Variants in GRM3 observed in about 807,000 individuals in gnomAD.
GRM3 encodes metabotropic glutamate receptor 3.
GRM3 carries 26 observed loss-of-function variants against 70.5 expected under a neutral mutation model. That is an observed-to-expected ratio of 0.37 (90% CI 0.27 to 0.51). The LOEUF (loss-of-function observed/expected upper bound fraction) is 0.51, where lower values mean the gene tolerates loss of function less well. GRM3 is among the 20% of genes least tolerant of loss of function. GRM3 has a pLI of 0.93. For missense variants in GRM3, 859 were observed against 1,123.8 expected (o/e 0.76, Z 3.37); for synonymous variants, 443 against 434.9 (o/e 1.02, Z -0.23).
At chr7:86,799,901 T>G (rs745787996) in intron 3 of GRM3, among the ~76,000 whole-genome samples, 8 of 152,188 alleles carry the variant, frequency 5.3e-5, no homozygotes, top group Non-Finnish European at 1.0e-4. Flanking sequence ...ATATGTCTGT[T>G]GAGATAATCA....
At chr7:86,757,320 G>T (rs1050974868) in intron 1 of GRM3, among the ~76,000 whole-genome samples, 1 of 152,092 alleles carries the variant, frequency 6.6e-6, no homozygotes, top group Non-Finnish European at 1.5e-5. Context: ...GTCCTAACAG[G>T]CACATAAATA....
chr7:86,864,207 AT>A (rs1326212994), intron 5 of GRM3, 74 bp from the exon 6 acceptor site: 3 of 794,476 alleles, frequency 3.8e-6, no homozygotes, highest in Non-Finnish European at 6.9e-6. Context: ...CCCAAAGTCC[AT>A]TGTATCCTTC....
chr7:86,859,760 TATATTTAGCATTGATTGAGG>T (rs1219458744), intron 5 of GRM3, among the ~76,000 whole-genome samples: 1 of 152,192 alleles, frequency 6.6e-6, no homozygotes, highest in Non-Finnish European at 1.5e-5. Flanking sequence ...ATTAAATAAA[TATATTTAGCATTGATTGAGG>T]GTCCAATTAT....
In GRM3 at chr7:86,644,480, G is replaced by A. The variant is rs937455872; in HGVS notation, c.-533G>A. ...GTTTGCCTGATAAGAGAAGGAGGAG[G>A]GGACTCGGCTGGGAAGAGCTCCCCT... On this transcript the variant is annotated 5_prime_UTR_variant, in exon 1 of 6. Coordinates refer to ENST00000361669, the MANE Select transcript of GRM3 (RefSeq NM_000840.3). 1.4e-5 allele frequency: 5 copies of A among 350,940 alleles called. No homozygotes were observed. Among genetic ancestry groups the A allele is most frequent in the African/African-American group, 8.6e-5 (4 of 46,304 alleles). 21.7% of individuals were successfully genotyped at this position (350,940 alleles called of 1,614,324 possible). A position where few individuals can be genotyped will look rare whatever the true frequency, so the allele number is the denominator to read the frequency against.
intron 1 of GRM3, among the ~76,000 whole-genome samples, chr7:86,656,123 C>T (rs1457371101): frequency 6.6e-6 from 1 of 152,030 alleles, no homozygotes; most frequent in Non-Finnish European, 1.5e-5. Context: ...AGCATGTGGG[C>T]CAGTCCAATG....
At chr7:86,844,521 G>C (rs1030031666) in intron 4 of GRM3, among the ~76,000 whole-genome samples, 4 of 152,068 alleles carry the variant, frequency 2.6e-5, no homozygotes, top group Admixed American at 2.0e-4. Context: ...ATCACTGAAA[G>C]ATTTTTAAGC....
chr7:86,753,129 A>G (rs2116367565), intron 1 of GRM3, among the ~76,000 whole-genome samples: 1 of 152,198 alleles, frequency 6.6e-6, no homozygotes, highest in East Asian at 1.9e-4. Context: ...CTTACACCTC[A>G]ATGAGAAGAA....
At chr7:86,688,066 TA>T (rs890982156) in intron 1 of GRM3, among the ~76,000 whole-genome samples, 2 of 151,432 alleles carry the variant, frequency 1.3e-5, no homozygotes, top group Non-Finnish European at 3.0e-5. Context: ...ACTCTCAAAA[TA>T]AAAAAAATCT....
Position 86,827,937 on chromosome 7 carries a change from C to G in GRM3, c.1325-10902C>G, listed in dbSNP as rs189173193. 1.6e-3 allele frequency among the ~76,000 whole-genome samples: 244 copies of G among 151,832 alleles called. 1 individual carries two copies. The highest frequency in any genetic ancestry group is 5.4e-3 in the African/African-American group (225 of 41,440). ...ACCATCCTGGCTAACACGGTGAAAC[C>G]CTGTCTCTACTAAAAATACAAAAAA... On this transcript the variant is annotated intron_variant, in intron 3 of 5. Transcript: ENST00000361669.
At chr7:86,732,387 A>G (rs1795754250) in intron 1 of GRM3, among the ~76,000 whole-genome samples, 1 of 151,686 alleles carries the variant, frequency 6.6e-6, no homozygotes, top group Non-Finnish European at 1.5e-5. Flanking sequence ...TCTCAGACAG[A>G]TTAGAGTGGG....
chr7:86,658,798 A>G (rs1793818992), intron 1 of GRM3, among the ~76,000 whole-genome samples: 1 of 152,126 alleles, frequency 6.6e-6, no homozygotes, highest in South Asian at 2.1e-4. Context: ...TTTTATAAGT[A>G]AACTTAAAGA....
chr7:86,705,045 G>A (rs1005116947), intron 1 of GRM3, among the ~76,000 whole-genome samples: 10 of 151,742 alleles, frequency 6.6e-5, no homozygotes, highest in East Asian at 1.9e-4. Flanking sequence ...CCTTTATATA[G>A]CATTTTTTTG....
chr7:86,699,374 G>T (rs1277814380), intron 1 of GRM3, among the ~76,000 whole-genome samples: 1 of 151,988 alleles, frequency 6.6e-6, no homozygotes, highest in Non-Finnish European at 1.5e-5. Context: ...ACTGTTTATT[G>T]TGGTAGTTAA....
At chr7:86,807,967 T>A (rs914761625) in intron 3 of GRM3, among the ~76,000 whole-genome samples, 1 of 152,128 alleles carries the variant, frequency 6.6e-6, no homozygotes, top group Non-Finnish European at 1.5e-5. Context: ...GCTGTTGAAT[T>A]TTGTTGAAGG....
intron 3 of GRM3, among the ~76,000 whole-genome samples, chr7:86,793,810 A>T (rs190898666): frequency 2.3e-3 from 355 of 152,076 alleles, no homozygotes; most frequent in Non-Finnish European, 3.1e-3. Flanking sequence ...TACTATTATC[A>T]TTATAGTTGT....
intron 1 of GRM3, among the ~76,000 whole-genome samples, chr7:86,687,009 T>C (rs55940297): frequency 0.021 from 3,205 of 151,902 alleles, 116 homozygotes; most frequent in African/African-American, 0.072. Flanking sequence ...AACATCAGAA[T>C]AGATAATTTA....
At chr7:86,676,384 A>T (rs1205670059) in intron 1 of GRM3, among the ~76,000 whole-genome samples, 2 of 151,736 alleles carry the variant, frequency 1.3e-5, no homozygotes, top group Non-Finnish European at 2.9e-5. Context: ...TATACTAACA[A>T]AAAAATTAAC....
chr7:86,798,730 A>G (rs1410951826), intron 3 of GRM3, among the ~76,000 whole-genome samples: 2 of 152,180 alleles, frequency 1.3e-5, no homozygotes, highest in African/African-American at 2.4e-5. Flanking sequence ...GGGAGGGGCC[A>G]GGAGTGGATT....
At chr7:86,779,003 T>C (rs1243657852) in intron 2 of GRM3, among the ~76,000 whole-genome samples, 4 of 151,778 alleles carry the variant, frequency 2.6e-5, no homozygotes, top group African/African-American at 7.3e-5. Flanking sequence ...ACACTCATCA[T>C]TGAAATAAAG....
Sources: allele counts gnomAD v4.1 joint callset (sites outside exome capture counted in the v4.1 genomes callset), GRCh38; gene constraint gnomAD v4.1.1; transcripts MANE v1.5; gene names NCBI Gene and HGNC (gene_info 2026-07-23, HGNC 2026-07-21).